TPRG1: variants seen among roughly 807,000 people sequenced by gnomAD.
The protein encoded by TPRG1 is tumor protein p63-regulated gene 1 protein.
TPRG1 carries 29 observed loss-of-function variants against 29.3 expected under a neutral mutation model. That is an observed-to-expected ratio of 0.99 (90% CI 0.74 to 1.35). The LOEUF is 1.35. TPRG1 is among the 40% of genes most tolerant of loss of function. The pLI is 0.00. For missense variants in TPRG1, 327 were observed against 335.0 expected (o/e 0.98, Z 0.19); for synonymous variants, 130 against 116.8 (o/e 1.11, Z -0.73).
intron 4 of TPRG1, among the ~76,000 whole-genome samples, chr3:189,048,628 T>C (rs1384171605): frequency 6.6e-6 from 1 of 152,128 alleles, no homozygotes; most frequent in African/African-American, 2.4e-5. Context: ...CTACATGAGT[T>C]GGATCATGGT....
At chr3:189,162,757 A>G (rs1049699493) in intron 5 of TPRG1, among the ~76,000 whole-genome samples, 9 of 152,188 alleles carry the variant, frequency 5.9e-5, no homozygotes, top group African/African-American at 2.2e-4. Context: ...TACATAAGAT[A>G]CACGTGGGGA....
chr3:189,100,842 C>T (rs1035862001), intron 1 of TPRG1, among the ~76,000 whole-genome samples: 5 of 152,116 alleles, frequency 3.3e-5, no homozygotes, highest in East Asian at 1.9e-4. Flanking sequence ...CTGCGGCTTC[C>T]ACCGCAAGCT....
chr3:189,063,233 A>T (rs539426468), intron 4 of TPRG1, among the ~76,000 whole-genome samples: 5 of 152,222 alleles, frequency 3.3e-5, no homozygotes, highest in African/African-American at 1.2e-4. Context: ...TACACACCAA[A>T]AAACAGAGCT....
At chr3:189,216,570 C>T (rs1413061299) in intron 3 of TPRG1, among the ~76,000 whole-genome samples, 1 of 152,142 alleles carries the variant, frequency 6.6e-6, no homozygotes. Context: ...ATTCTTGAGG[C>T]CCAAATGAGA....
At chr3:189,151,736 C>CCAGGTGTGGTGGCATGCCCCTGTG (rs1725963802) in intron 5 of TPRG1, among the ~76,000 whole-genome samples, 1 of 152,030 alleles carries the variant, frequency 6.6e-6, no homozygotes, top group South Asian at 2.1e-4. Context: ...CAAAAATTAG[C>CCAGGTGTGGTGGCATGCCCCTGTG]CAGGTGTGGT....
At chr3:189,234,616 A>G (rs1285891737) in intron 3 of TPRG1, among the ~76,000 whole-genome samples, 1 of 152,218 alleles carries the variant, frequency 6.6e-6, no homozygotes, top group Non-Finnish European at 1.5e-5. Flanking sequence ...GGGTTCCCCA[A>G]ACAGCATGAA....
chr3:189,126,461 G>GA (rs1038354166), intron 1 of TPRG1, among the ~76,000 whole-genome samples: 6 of 152,098 alleles, frequency 3.9e-5, no homozygotes, highest in African/African-American at 2.4e-5. Context: ...TATAAATTGG[G>GA]AAAAAATACC....
chr3:189,213,944 G>T (rs902640752), intron 2 of TPRG1, among the ~76,000 whole-genome samples: 1 of 151,920 alleles, frequency 6.6e-6, no homozygotes, highest in Non-Finnish European at 1.5e-5. Context: ...GATGTTTGCG[G>T]TTTTTTTCCA....
At chr3:189,276,521 T>A (rs1213469068) in intron 4 of TPRG1, among the ~76,000 whole-genome samples, 1 of 152,196 alleles carries the variant, frequency 6.6e-6, no homozygotes, top group East Asian at 1.9e-4. Flanking sequence ...TGGGCTCTGA[T>A]GTCATGGTTT....
intron 4 of TPRG1, among the ~76,000 whole-genome samples, chr3:189,244,179 C>T (rs1473805588): frequency 6.6e-6 from 1 of 152,152 alleles, no homozygotes; most frequent in Non-Finnish European, 1.5e-5. Flanking sequence ...CCTGTAATCC[C>T]AGCACTTTGG....
chr3:189,141,756 A>G (rs112994539), intron 3 of TPRG1, among the ~76,000 whole-genome samples: 42 of 152,300 alleles, frequency 2.8e-4, no homozygotes, highest in African/African-American at 9.9e-4. Context: ...AGTCTCAAGT[A>G]TTTGTGTGTG....
At chr3:189,137,295 A>AAT (rs1455128815) in intron 3 of TPRG1, among the ~76,000 whole-genome samples, 2 of 105,018 alleles carry the variant, frequency 1.9e-5, no homozygotes, top group East Asian at 3.2e-4. Flanking sequence ...AAAACCCCAA[A>AAT]ATGTGTGTGT....
At chr3:189,190,179 A>G (rs1731489730) in intron 1 of TPRG1, among the ~76,000 whole-genome samples, 1 of 152,262 alleles carries the variant, frequency 6.6e-6, no homozygotes, top group Non-Finnish European at 1.5e-5. Flanking sequence ...TCTAAGGAAT[A>G]GTCAGACTTA....
chr3:189,058,826 C>T (rs777703116), intron 4 of TPRG1, among the ~76,000 whole-genome samples: 1 of 152,126 alleles, frequency 6.6e-6, no homozygotes, highest in Non-Finnish European at 1.5e-5. Context: ...TTTTGCTGCT[C>T]AGGCTGAATT....
At chr3:189,085,460 T>TGC (rs1311423936) in intron 4 of TPRG1, among the ~76,000 whole-genome samples, 50 of 149,552 alleles carry the variant, frequency 3.3e-4, no homozygotes, top group African/African-American at 1.3e-3. Context: ...TGTGTGTGTG[T>TGC]GTGTGTGTGT....
intron 4 of TPRG1, among the ~76,000 whole-genome samples, chr3:189,068,675 T>C (rs1289907596): frequency 1.3e-5 from 2 of 150,524 alleles, no homozygotes; most frequent in East Asian, 2.0e-4. Context: ...ACTCAGGAGG[T>C]TGAGGCAGGA....
At chr3:189,097,053 C>G (rs1313131271), upstream of TPRG1, among the ~76,000 whole-genome samples, 1 of 152,172 alleles carries the variant, frequency 6.6e-6, no homozygotes, top group African/African-American at 2.4e-5. Context: ...TGTGTATTTT[C>G]TCCATGCATG....
chr3:189,127,835 A>G (rs1223993353), intron 2 of TPRG1, among the ~76,000 whole-genome samples: 4 of 152,190 alleles, frequency 2.6e-5, no homozygotes, highest in Admixed American at 6.5e-5. Context: ...GTCTTCCCTC[A>G]GACTCAGTTT....
chr3:189,320,884 C>T lies in TPRG1; in HGVS notation c.*64C>T. ...TGTCACTTTGAAAATTCCAGTTTGA[C>T]CCACGCTATTTTTGGACTGAAACAA... On this transcript the variant is annotated 3_prime_UTR_variant, in exon 6 of 6. Transcript: ENST00000345063. 7.7e-7 allele frequency: 1 copy of T among 1,302,000 alleles called. No individual in the cohort carries two copies. The highest frequency in any genetic ancestry group is 1.0e-6 in the Non-Finnish European group (1 of 979,058). The allele number at this position is 1,302,000 out of a possible 1,614,324, so 80.7% of individuals were successfully genotyped here.
Sources: gnomAD v4.1 joint callset for allele counts (sites outside exome capture counted in the v4.1 genomes callset) on GRCh38, gnomAD v4.1.1 for gene constraint, MANE v1.5 for transcripts, NCBI Gene and HGNC (gene_info 2026-07-23, HGNC 2026-07-21) for gene names.